The following AGFG1 variants were observed in gnomAD, a reference collection of about 807,000 sequenced individuals.
The protein encoded by AGFG1 is arf-GAP domain and FG repeat-containing protein 1.
A neutral mutation model predicts 60.6 loss-of-function variants in AGFG1; 10 were observed. The observed-to-expected ratio is 0.16, with a 90% confidence interval of 0.10 to 0.28. AGFG1 has a LOEUF of 0.28. AGFG1 is among the 10% of genes least tolerant of loss of function. The probability of loss-of-function intolerance (pLI) is 1.00; values close to 1 mark genes in which losing one functional copy is unlikely to be tolerated. For synonymous variants in AGFG1, 247 were observed against 242.9 expected (o/e 1.02, Z -0.16); for missense variants, 537 against 676.5 (o/e 0.79, Z 2.29).
In AGFG1 at chr2:227,558,193, A is replaced by G. The variant is rs1693031218; in HGVS notation, c.*3698A>G. ...ACTTTTAGGATGAAAGAAGCAAAGC[A>G]TAGAGAGGTTAAGCTAGTGGCAGCT... On this transcript the variant is annotated 3_prime_UTR_variant, in exon 13 of 13. Coordinates refer to ENST00000310078, the MANE Select transcript of AGFG1 (RefSeq NM_004504.5). The G allele has an allele frequency of 6.6e-6, 1 of 152,254 alleles. No individual in the cohort carries two copies. The highest frequency in any genetic ancestry group is 2.4e-5 in the African/African-American group (1 of 41,472). 9.4% of individuals were successfully genotyped at this position (152,254 alleles called of 1,614,324 possible).
At chr2:227,512,932 A>G (rs967356076) in intron 2 of AGFG1, among the ~76,000 whole-genome samples, 1 of 152,218 alleles carries the variant, frequency 6.6e-6, no homozygotes, top group Non-Finnish European at 1.5e-5. Context: ...GTGAAAAAAG[A>G]TTCTCTAAAT....
chr2:227,517,276 A>G (rs1691680148), intron 2 of AGFG1, among the ~76,000 whole-genome samples: 2 of 152,268 alleles, frequency 1.3e-5, no homozygotes, highest in South Asian at 2.1e-4. Context: ...ATATATATAT[A>G]GACAGACAGA....
At chr2:227,523,973 T>G in intron 4 of AGFG1, 48 bp downstream of exon 4, 1 of 1,536,316 alleles carries the variant, frequency 6.5e-7, no homozygotes, top group Non-Finnish European at 8.9e-7. Flanking sequence ...AAAGAGGGCT[T>G]GAGTATCAAG....
intron 5 of AGFG1, among the ~76,000 whole-genome samples, chr2:227,525,709 A>G (rs536508544): frequency 5.3e-5 from 8 of 152,274 alleles, no homozygotes; most frequent in Non-Finnish European, 7.4e-5. Context: ...ACAAGTTCCT[A>G]TGTTCTATTT....
intron 1 of AGFG1, among the ~76,000 whole-genome samples, chr2:227,477,184 A>C (rs1690309874): frequency 1.3e-5 from 2 of 152,220 alleles, no homozygotes; most frequent in African/African-American, 4.8e-5. Context: ...TACAGGCATG[A>C]GCCACCTCGC....
At chr2:227,531,833 A>G (rs1342963445) in intron 6 of AGFG1, among the ~76,000 whole-genome samples, 1 of 152,136 alleles carries the variant, frequency 6.6e-6, no homozygotes, top group Non-Finnish European at 1.5e-5. Flanking sequence ...CTAAAAATGT[A>G]AGTAATTTTC....
intron 10 of AGFG1, among the ~76,000 whole-genome samples, chr2:227,549,258 ATTTTTTAATCATTCTTAT>A (rs1270245302): frequency 3.3e-5 from 5 of 152,168 alleles, no homozygotes; most frequent in Non-Finnish European, 7.3e-5. Context: ...GAACCATTCA[ATTTTTTAATCATTCTTAT>A]GCCAATTTAA....
intron 2 of AGFG1, among the ~76,000 whole-genome samples, chr2:227,507,782 A>G (rs911674931): frequency 6.6e-6 from 1 of 152,098 alleles, no homozygotes; most frequent in Non-Finnish European, 1.5e-5. Flanking sequence ...GTGGTCTTCA[A>G]TATTGAACTC....
chr2:227,534,006 T>G (rs1405057146), intron 7 of AGFG1, among the ~76,000 whole-genome samples: 1 of 152,174 alleles, frequency 6.6e-6, no homozygotes, highest in Non-Finnish European at 1.5e-5. Context: ...TTTTATTTTG[T>G]CCTAGAAGGC....
In AGFG1 at chr2:227,559,853, C is replaced by T. The variant is rs1261202999; in HGVS notation, c.*5358C>T. 1 of 152,036 alleles carries T rather than the reference C, an allele frequency of 6.6e-6. No individual in the cohort carries two copies. The highest frequency in any genetic ancestry group is 2.4e-5 in the African/African-American group (1 of 41,408). The allele number at this position is 152,036 out of a possible 1,614,324, so 9.4% of individuals were successfully genotyped here. A position where few individuals can be genotyped will look rare whatever the true frequency, so the allele number is the denominator to read the frequency against. On this transcript the variant is annotated 3_prime_UTR_variant, in exon 13 of 13. Coordinates refer to ENST00000310078, the MANE Select transcript of AGFG1 (RefSeq NM_004504.5). ...AACTAATCTTACATAGTCAATGTTTCATAGAATGCTTTGGTTACAATCAGG... is the reference window on the plus strand; with the variant it reads ...AACTAATCTTACATAGTCAATGTTTTATAGAATGCTTTGGTTACAATCAGG...
At chr2:227,510,846 A>G (rs1424032103) in intron 2 of AGFG1, 4 of 152,230 alleles carry the variant, frequency 2.6e-5, no homozygotes, top group African/African-American at 7.2e-5. Flanking sequence ...GCTCTCCTTC[A>G]CAACGCAGAT....
At chr2:227,539,690 A>T (rs1345025644) in intron 10 of AGFG1, among the ~76,000 whole-genome samples, 1 of 148,794 alleles carries the variant, frequency 6.7e-6, no homozygotes, top group African/African-American at 2.5e-5. Flanking sequence ...AATTACAGTG[A>T]ACTGTGATTG....
chr2:227,554,961 T>C lies in AGFG1; in HGVS notation c.*466T>C, dbSNP rs1181816698. 6.5e-6 allele frequency: 1 copy of C among 152,874 alleles called. No homozygotes were observed. The highest frequency in any genetic ancestry group is 1.5e-5 in the Non-Finnish European group (1 of 68,196). The allele number at this position is 152,874 out of a possible 1,614,324, so 9.5% of individuals were successfully genotyped here. On this transcript the variant is annotated 3_prime_UTR_variant, in exon 13 of 13. Transcript: ENST00000310078. ...CTACTGGAAAGTAACAGAGTCAAAA[T>C]TGGAAGGTTTTATTCATTCTTGAAT...
chr2:227,481,421 GTC>G (rs947556598), intron 1 of AGFG1, among the ~76,000 whole-genome samples: 6 of 152,102 alleles, frequency 3.9e-5, no homozygotes, highest in African/African-American at 1.4e-4. Flanking sequence ...GAACTGGAGA[GTC>G]TAATGATTTC....
chr2:227,492,350 T>C (rs1441689846), intron 2 of AGFG1, among the ~76,000 whole-genome samples: 1 of 152,048 alleles, frequency 6.6e-6, no homozygotes, highest in East Asian at 1.9e-4. Context: ...ATGAGCCAGT[T>C]AACCCAAGCT....
At chr2:227,542,882 GA>G (rs1692533739) in intron 10 of AGFG1, among the ~76,000 whole-genome samples, 1 of 398 alleles carries the variant, frequency 2.5e-3, no homozygotes, top group African/African-American at 3.4e-3. Flanking sequence ...TTAGTCTTGA[GA>G]GGGTGTTGTA....
intron 8 of AGFG1, among the ~76,000 whole-genome samples, chr2:227,535,873 G>A (rs1692293794): frequency 6.6e-6 from 1 of 152,126 alleles, no homozygotes; most frequent in Non-Finnish European, 1.5e-5. Flanking sequence ...GTGGTCCATG[G>A]AATGTTTGGG....
At chr2:227,530,272 G>A (rs1272763825) in intron 5 of AGFG1, among the ~76,000 whole-genome samples, 1 of 152,050 alleles carries the variant, frequency 6.6e-6, no homozygotes, top group African/African-American at 2.4e-5. Flanking sequence ...AGTAATTTTT[G>A]TATTACTGAA....
rs1005551469 is a variant in AGFG1, at chr2:227,557,785, A to G, written c.*3290A>G. On this transcript the variant is annotated 3_prime_UTR_variant, in exon 13 of 13. Coordinates refer to ENST00000310078, the MANE Select transcript of AGFG1 (RefSeq NM_004504.5). ...TTTTGCATTCCAACTTAAAAATTAC[A>G]CAGCATACACACGCTGGAAAACTCC... is the stretch of plus-strand genomic sequence containing the variant. The G allele has an allele frequency of 5.3e-5, 8 of 152,326 alleles. No individual in the cohort carries two copies. Among genetic ancestry groups the G allele is most frequent in the African/African-American group, 1.9e-4 (8 of 41,564 alleles). The allele number at this position is 152,326 out of a possible 1,614,324, so 9.4% of individuals were successfully genotyped here. A position where few individuals can be genotyped will look rare whatever the true frequency, so the allele number is the denominator to read the frequency against.
Sources: allele counts gnomAD v4.1 joint callset (sites outside exome capture counted in the v4.1 genomes callset), GRCh38; gene constraint gnomAD v4.1.1; transcripts MANE v1.5; gene names NCBI Gene and HGNC (gene_info 2026-07-23, HGNC 2026-07-21).